USP42: variants seen among roughly 807,000 people sequenced by gnomAD.
The protein encoded by USP42 is ubiquitin carboxyl-terminal hydrolase 42.
A neutral mutation model predicts 113.0 loss-of-function variants in USP42; 23 were observed. That is an observed-to-expected ratio of 0.20 (90% CI 0.15 to 0.29). USP42 has a LOEUF of 0.29. Among genes scored for constraint, USP42 ranks in the 10% least tolerant of loss-of-function variants. The probability of loss-of-function intolerance (pLI) is 1.00; values close to 1 mark genes in which losing one functional copy is unlikely to be tolerated. For synonymous variants in USP42, 933 were observed against 699.0 expected (o/e 1.33, Z -5.28); for missense variants, 2,174 against 1,779.8 (o/e 1.22, Z -3.99).
Position 6,158,570 on chromosome 7 carries a change from C to T in USP42, c.3944-880C>T, listed in dbSNP as rs930046494. Among the ~76,000 whole-genome samples, 2 of 152,104 alleles carry T rather than the reference C, an allele frequency of 1.3e-5. No homozygotes were observed. Among genetic ancestry groups the T allele is most frequent in the Non-Finnish European group, 2.9e-5 (2 of 68,010 alleles). ...GTGTGTGAGAGAGAGCTGGGGGTTG[C>T]GGGGTGAGCCCCATGGGGGACATTT... On this transcript the variant is annotated intron_variant, in intron 16 of 17. Coordinates refer to ENST00000306177, the MANE Select transcript of USP42 (RefSeq NM_032172.3). This position sits in a 1 kb window ranked among gnomAD's most constrained non-coding sequence, Gnocchi z 4.2.
rs369003430 is a variant in USP42 at position 6,159,405 on chromosome 7, T to G, written c.3944-45T>G. On this transcript the variant is annotated intron_variant, in intron 16 of 17. Coordinates refer to ENST00000306177, the MANE Select transcript of USP42 (RefSeq NM_032172.3). This position sits in a 1 kb window ranked among gnomAD's most constrained non-coding sequence, Gnocchi z 4.1. The stretch of plus-strand genomic sequence containing the variant: ...CACACACAGCAGAGGCCCTGGCGAT[T>G]TTGCAACCATCATTAAAATCTCTTT... The G allele has an allele frequency of 6.6e-5, 107 of 1,613,754 alleles. 1 individual carries two copies. Among genetic ancestry groups the G allele is most frequent in the Middle Eastern group, 1.7e-4 (1 of 6,058 alleles).
At chr7:6,106,556 C>T (rs1278875590) in intron 1 of USP42, among the ~76,000 whole-genome samples, 1 of 152,126 alleles carries the variant, frequency 6.6e-6, no homozygotes, top group African/African-American at 2.4e-5. Flanking sequence ...CAGATCCAAC[C>T]TCGATTCATG....
chr7:6,137,614 T>C (rs1400858633), intron 4 of USP42, among the ~76,000 whole-genome samples: 1 of 152,156 alleles, frequency 6.6e-6, no homozygotes, highest in Admixed American at 6.5e-5. Flanking sequence ...CGTCTTGGCC[T>C]CCCAAAGTGC....
intron 14 of USP42, 65 bp downstream of exon 14, chr7:6,150,571 G>A (rs1562849744): frequency 1.5e-6 from 2 of 1,370,276 alleles, no homozygotes; most frequent in Middle Eastern, 1.8e-4. Context: ...GCCTCCAGAT[G>A]TGTCAGTATT....
At chr7:6,149,465 C>T in intron 12 of USP42, 118 bp from the exon 13 acceptor site, 1 of 1,257,576 alleles carries the variant, frequency 8.0e-7, no homozygotes. Flanking sequence ...GTGTATGAAA[C>T]TTGTTAGTCC....
At chr7:6,142,185 C>T (rs973000812) in intron 7 of USP42, among the ~76,000 whole-genome samples, 1 of 151,666 alleles carries the variant, frequency 6.6e-6, no homozygotes, top group Non-Finnish European at 1.5e-5. Flanking sequence ...TAAAAGTGAA[C>T]ATCATACTAC....
chr7:6,145,060 G>A (rs921515008), intron 9 of USP42, among the ~76,000 whole-genome samples: 2 of 152,158 alleles, frequency 1.3e-5, no homozygotes, highest in African/African-American at 4.8e-5. Context: ...TAGGCCAGGT[G>A]CAGTGGCTCA....
chr7:6,160,086 G>C (rs186811376), intron 17 of USP42, among the ~76,000 whole-genome samples: 5 of 152,318 alleles, frequency 3.3e-5, no homozygotes, highest in South Asian at 2.1e-4. Flanking sequence ...TTTTATACCT[G>C]ACCCTTGTGG....
chr7:6,094,778 A>C, the USP42 span, among the ~76,000 whole-genome samples: 1 of 148,238 alleles, frequency 6.7e-6, no homozygotes, highest in Non-Finnish European at 1.5e-5. Flanking sequence ...CAGAGGGGGC[A>C]GTTTCAGGGC....
rs901859157 is a variant in USP42 at position 6,146,086 on chromosome 7, C to G, written c.1132-62C>G. ...CAAAAAAAAAGAAAGAAATATTTCT[C>G]TTGACTATGTTCCATGTTTAATTAA... On this transcript the variant is annotated intron_variant, in intron 10 of 17. Transcript: ENST00000306177. 4 of 1,236,820 alleles carry G rather than the reference C, an allele frequency of 3.2e-6. No homozygotes were observed. In the African/African-American group the frequency reaches 4.6e-5, roughly 14 times the overall value. The allele number at this position is 1,236,820 out of a possible 1,614,324, so 76.6% of individuals were successfully genotyped here. A position where few individuals can be genotyped will look rare whatever the true frequency, so the allele number is the denominator to read the frequency against.
intron 9 of USP42, among the ~76,000 whole-genome samples, 158 bp from the exon 10 acceptor site, chr7:6,145,358 A>G (rs934652456): frequency 2.0e-5 from 3 of 151,700 alleles, no homozygotes; most frequent in African/African-American, 2.4e-5. Flanking sequence ...GGCTAAATGC[A>G]CTAGGTTTTT....
the USP42 span, among the ~76,000 whole-genome samples, chr7:6,089,055 A>G: frequency 1.3e-4 from 19 of 149,082 alleles, no homozygotes; most frequent in Non-Finnish European, 2.7e-4. Context: ...ATTTATATTT[A>G]TCTTTTTGAA....
chr7:6,114,115 T>G (rs781492623), intron 2 of USP42, among the ~76,000 whole-genome samples: 4 of 152,194 alleles, frequency 2.6e-5, no homozygotes, highest in Non-Finnish European at 4.4e-5. Flanking sequence ...TCCTCACAAG[T>G]GTGTACAGTG....
intron 3 of USP42, among the ~76,000 whole-genome samples, chr7:6,122,330 GGCTGGAGTGCAGTGGTGTCATCATA>G (rs1780272607): frequency 2.0e-5 from 3 of 150,198 alleles, no homozygotes; most frequent in Non-Finnish European, 4.4e-5. Context: ...CTGTTGCCTA[GGCTGGAGTGCAGTGGTGTCATCATA>G]GCTCACTGCA....
upstream of USP42, among the ~76,000 whole-genome samples, chr7:6,102,315 TA>T (rs1790151567): frequency 6.7e-6 from 1 of 149,996 alleles, no homozygotes; most frequent in South Asian, 2.1e-4. Flanking sequence ...AGTTTCAGCA[TA>T]TTGGCCAGGC....
At chr7:6,114,872 A>G (rs1640639188) in intron 2 of USP42, among the ~76,000 whole-genome samples, 1 of 150,838 alleles carries the variant, frequency 6.6e-6, no homozygotes, top group African/African-American at 2.4e-5. Context: ...TTGTATTTTT[A>G]GTAGAGACGG....
chr7:6,116,503 G>T, intron 3 of USP42: 1 of 239,940 alleles, frequency 4.2e-6, no homozygotes, highest in Non-Finnish European at 8.1e-6. Flanking sequence ...TAAATTAATG[G>T]CTCAGATTCA....
At chr7:6,119,824 C>G (rs1292492418) in intron 3 of USP42, among the ~76,000 whole-genome samples, 1 of 152,132 alleles carries the variant, frequency 6.6e-6, no homozygotes. Flanking sequence ...TTGCCTCAGC[C>G]TCATGAATAG....
chr7:6,111,067 G>A (rs1302383746), intron 1 of USP42, 58 bp from the exon 2 acceptor site: 1 of 1,539,058 alleles, frequency 6.5e-7, no homozygotes, highest in South Asian at 1.2e-5. Flanking sequence ...TAACGGTAGG[G>A]TAAGGAGATT....
Sources: gnomAD v4.1 joint callset for allele counts (sites outside exome capture counted in the v4.1 genomes callset) on GRCh38, gnomAD v4.1.1 for gene constraint, Gnocchi (gnomAD v3.1) non-coding constraint, MANE v1.5 for transcripts, NCBI Gene and HGNC (gene_info 2026-07-23, HGNC 2026-07-21) for gene names.